RNF144A: variants seen among roughly 807,000 people sequenced by gnomAD.
The protein encoded by RNF144A is E3 ubiquitin-protein ligase RNF144A.
A neutral mutation model predicts 38.7 loss-of-function variants in RNF144A; 11 were observed. The ratio of observed to expected loss-of-function variants is 0.28; its 90% CI spans 0.18 to 0.47. RNF144A has a LOEUF of 0.47. Ranked by LOEUF, RNF144A falls within the 20% of genes least tolerant of loss-of-function variation. The probability of loss-of-function intolerance (pLI) is 0.99; values close to 1 mark genes in which losing one functional copy is unlikely to be tolerated. For synonymous variants in RNF144A, 149 were observed against 143.9 expected, an observed-to-expected ratio of 1.04 and a Z score of -0.25; for missense variants, 316 against 377.2, an observed-to-expected ratio of 0.84 and a Z score of 1.34.
At chr2:7,013,026 G>A (rs1198258047) in intron 3 of RNF144A, among the ~76,000 whole-genome samples, 1 of 151,762 alleles carries the variant, frequency 6.6e-6, no homozygotes, top group Non-Finnish European at 1.5e-5. Context: ...TTGGGAAGTG[G>A]CTCTTTCTGA....
chr2:7,068,358 A>G, downstream of RNF144A: 2 of 731,746 alleles, frequency 2.7e-6, no homozygotes, highest in Admixed American at 4.7e-5. Context: ...GAAACTTTAT[A>G]GTGAAAATGG....
At chr2:6,990,546 TAGAG>T (rs375634759) in intron 2 of RNF144A, among the ~76,000 whole-genome samples, 27 of 132,738 alleles carry the variant, frequency 2.0e-4, no homozygotes, top group African/African-American at 5.5e-4. Flanking sequence ...TGTATATATA[TAGAG>T]AGAGAGATTG....
intron 5 of RNF144A, among the ~76,000 whole-genome samples, chr2:7,018,191 A>G (rs1209891096): frequency 2.0e-5 from 3 of 152,162 alleles, no homozygotes; most frequent in Admixed American, 2.0e-4. Flanking sequence ...CAGCAGTGAG[A>G]CGGAAGGGTC....
intron 1 of RNF144A, among the ~76,000 whole-genome samples, chr2:6,940,412 T>C (rs1401417140): frequency 6.6e-6 from 1 of 152,252 alleles, no homozygotes; most frequent in East Asian, 1.9e-4. Flanking sequence ...TTAAACCATT[T>C]AGCGTAATTA....
intron 2 of RNF144A, among the ~76,000 whole-genome samples, chr2:6,969,904 G>A (rs538068551): frequency 1.1e-3 from 168 of 152,158 alleles, no homozygotes; most frequent in African/African-American, 3.8e-3. Context: ...TGGGACTACA[G>A]GCGCACACTG....
intron 3 of RNF144A, among the ~76,000 whole-genome samples, chr2:7,013,560 A>C (rs1045207973): frequency 4.6e-5 from 7 of 152,082 alleles, no homozygotes. Flanking sequence ...CCGTTGTAGG[A>C]TTTTACATCA....
intron 7 of RNF144A, among the ~76,000 whole-genome samples, chr2:7,025,296 C>G (rs956982110): frequency 1.3e-5 from 2 of 152,202 alleles, no homozygotes; most frequent in Non-Finnish European, 2.9e-5. Flanking sequence ...CCTTCCTTGC[C>G]CATATTAGGG....
rs1666024625 is a variant in RNF144A, at chr2:6,941,996, T to A, written c.-12+849T>A. 1.3e-5 allele frequency among the ~76,000 whole-genome samples: 2 copies of A among 152,252 alleles called. No individual in the cohort carries two copies. The highest frequency in any genetic ancestry group is 2.9e-5 in the Non-Finnish European group (2 of 68,050). ...CATGATGGGATATCAGTGTAGGGTT[T>A]TAAGCAGAGAAGCAGGGTCTATTTC... On this transcript the variant is annotated intron_variant, in intron 2 of 8. Coordinates refer to ENST00000320892, the MANE Select transcript of RNF144A (RefSeq NM_014746.6). The surrounding 1 kb of genome is among the most constrained non-coding windows in gnomAD (Gnocchi z 6.5).
At chr2:7,072,814 A>T (rs1028696208), downstream of RNF144A, among the ~76,000 whole-genome samples, 2 of 152,234 alleles carry the variant, frequency 1.3e-5, no homozygotes, top group Non-Finnish European at 2.9e-5. Context: ...TTTTGAAGAC[A>T]TTCTAGAAAA....
At chr2:6,938,396 C>T (rs940728595) in intron 1 of RNF144A, among the ~76,000 whole-genome samples, 27 of 151,550 alleles carry the variant, frequency 1.8e-4, no homozygotes, top group African/African-American at 6.1e-4. Flanking sequence ...TACAGGTGCC[C>T]GCCACCACAC....
At chr2:7,059,984 T>TA (rs1673890158) in intron 6 of RNF144A, among the ~76,000 whole-genome samples, 1 of 152,232 alleles carries the variant, frequency 6.6e-6, no homozygotes, top group African/African-American at 2.4e-5. Flanking sequence ...TGTTTATACT[T>TA]ACAGTCTTAA....
chr2:6,951,344 C>T (rs981869272), intron 2 of RNF144A, among the ~76,000 whole-genome samples: 1 of 151,756 alleles, frequency 6.6e-6, no homozygotes, highest in Non-Finnish European at 1.5e-5. Flanking sequence ...TCAATGCAGC[C>T]TGCTCTTAAT....
At chr2:7,067,833 T>C (rs906338962) in intron 6 of RNF144A, among the ~76,000 whole-genome samples, 2 of 152,208 alleles carry the variant, frequency 1.3e-5, no homozygotes, top group African/African-American at 4.8e-5. Context: ...TAAGTCAGTT[T>C]ATCAAGAACT....
chr2:6,975,859 G>A (rs1020500565), intron 2 of RNF144A, among the ~76,000 whole-genome samples: 5 of 152,214 alleles, frequency 3.3e-5, no homozygotes, highest in African/African-American at 9.6e-5. Context: ...TCCATGCAGT[G>A]TTTATGTGAA....
At chr2:7,010,489 G>A (rs1013026827) in intron 3 of RNF144A, among the ~76,000 whole-genome samples, 2 of 152,118 alleles carry the variant, frequency 1.3e-5, no homozygotes, top group African/African-American at 4.8e-5. Context: ...TAGCCAGCAG[G>A]CCTTCGTGTG....
intron 6 of RNF144A, among the ~76,000 whole-genome samples, chr2:7,052,838 A>AAC (rs10670138): frequency 0.46 from 69,330 of 149,954 alleles, 16,596 homozygotes; most frequent in East Asian, 0.78. Context: ...CCCCCTTTCC[A>AAC]ACACACACAC....
At chr2:6,965,075 G>A (rs1036572058) in intron 2 of RNF144A, among the ~76,000 whole-genome samples, 3 of 152,302 alleles carry the variant, frequency 2.0e-5, no homozygotes, top group South Asian at 2.1e-4. Context: ...TTCTGCCTGC[G>A]TGTGTGTGCG....
chr2:6,969,595 G>T (rs1197105083), intron 2 of RNF144A, among the ~76,000 whole-genome samples: 1 of 152,200 alleles, frequency 6.6e-6, no homozygotes, highest in African/African-American at 2.4e-5. Flanking sequence ...AAAAGTACAG[G>T]CTGAGCATTC....
intron 2 of RNF144A, among the ~76,000 whole-genome samples, chr2:6,996,370 C>T (rs1351769118): frequency 2.0e-5 from 3 of 152,144 alleles, no homozygotes; most frequent in Non-Finnish European, 2.9e-5. Flanking sequence ...TTAAAATGCA[C>T]ATCAGTGGGA....
Sources: gnomAD v4.1 joint callset for allele counts (sites outside exome capture counted in the v4.1 genomes callset) on GRCh38, gnomAD v4.1.1 for gene constraint, Gnocchi (gnomAD v3.1) non-coding constraint, MANE v1.5 for transcripts, NCBI Gene and HGNC (gene_info 2026-07-23, HGNC 2026-07-21) for gene names.